Variants in PTPRN2 observed in about 807,000 individuals in gnomAD.
PTPRN2 encodes the protein receptor-type tyrosine-protein phosphatase N2.
PTPRN2 carries 74 observed loss-of-function variants against 118.8 expected under a neutral mutation model. The ratio of observed to expected loss-of-function variants is 0.62; its 90% CI spans 0.52 to 0.76. The LOEUF (loss-of-function observed/expected upper bound fraction) is 0.76, where lower values mean the gene tolerates loss of function less well. Ranked by LOEUF, PTPRN2 falls within the 30% of genes least tolerant of loss-of-function variation. The pLI is 0.00. For synonymous variants in PTPRN2, 641 were observed against 608.0 expected (o/e 1.05, Z -0.80); for missense variants, 1,481 against 1,394.4 (o/e 1.06, Z -0.99).
At chr7:158,319,509 C>CCTCACACACGCACACAGACTCCCT (rs1563131612) in intron 2 of PTPRN2, among the ~76,000 whole-genome samples, 1 of 37,056 alleles carries the variant, frequency 2.7e-5, no homozygotes, top group Non-Finnish European at 4.9e-5. Flanking sequence ...CAGCCTCCCC[C>CCTCACACACGCACACAGACTCCCT]CACACACACA....
chr7:158,083,628 C>T (rs990401980), intron 10 of PTPRN2, among the ~76,000 whole-genome samples: 4 of 152,224 alleles, frequency 2.6e-5, no homozygotes, highest in Admixed American at 1.3e-4. Context: ...GCAGGAGAGG[C>T]CCACACAGCC....
At chr7:158,019,783 C>T (rs1391396157) in intron 11 of PTPRN2, among the ~76,000 whole-genome samples, 11 of 152,204 alleles carry the variant, frequency 7.2e-5, no homozygotes, top group Non-Finnish European at 1.2e-4. Context: ...CCGGGGGAGC[C>T]GCGCAGCATG....
intron 2 of PTPRN2, among the ~76,000 whole-genome samples, chr7:158,362,223 C>G (rs374093426): frequency 6.6e-6 from 1 of 152,134 alleles, no homozygotes; most frequent in Non-Finnish European, 1.5e-5. Flanking sequence ...GAGGAGGAGG[C>G]AGAAGAGGCC....
At chr7:157,899,099 ACTGGGAAAT>A (rs757093475) in intron 11 of PTPRN2, among the ~76,000 whole-genome samples, 60 of 152,380 alleles carry the variant, frequency 3.9e-4, no homozygotes, top group Non-Finnish European at 7.1e-4. Context: ...CTGTATAATT[ACTGGGAAAT>A]ATGTTTCATT....
At position 157,815,205 on chromosome 7, in the gene PTPRN2, C is replaced by T. The variant is rs112875072; in HGVS notation, c.1788+83468G>A. ...TGGCCTGGGTGCTGCTGTGGGCAGG[C>T]GCTGGGCACGCTGGGAAGAGCAGGG... On this transcript the variant is annotated intron_variant, in intron 12 of 22. Transcript: ENST00000389418. Among the ~76,000 whole-genome samples the T allele has an allele frequency of 3.5e-3, 536 of 152,314 alleles. 5 individuals carry two copies. The highest frequency in any genetic ancestry group is 0.012 in the African/African-American group (485 of 41,566).
At chr7:158,468,082 A>C (rs1819521406) in intron 2 of PTPRN2, among the ~76,000 whole-genome samples, 1 of 152,224 alleles carries the variant, frequency 6.6e-6, no homozygotes, top group African/African-American at 2.4e-5. Flanking sequence ...GCATTTTTAC[A>C]GTCTTCCTAC....
rs1563543303 is a variant in PTPRN2, at chr7:158,164,527, AGCGCGCAC to A, written c.910+2396_910+2403del. Among the ~76,000 whole-genome samples, 15 of 3,188 alleles carry A rather than the reference AGCGCGCAC, an allele frequency of 4.7e-3. 2 individuals carry two copies. The highest frequency in any genetic ancestry group is 0.014 in the African/African-American group (3 of 212). The allele number at this position is 3,188 out of a possible 152,430, so 2.1% of individuals were successfully genotyped here. Reference sequence around the variant, plus strand: ...GCGCGTAGGGAGGGCTCAGAGCGGGAGCGCGCACGTAGGGAAGGCGCGCACGTAGGGAA... The same window carrying A: ...GCGCGTAGGGAGGGCTCAGAGCGGGAGTAGGGAAGGCGCGCACGTAGGGAA... On this transcript the variant is annotated intron_variant, in intron 6 of 22. Transcript: ENST00000389418.
At chr7:157,725,756 ATCCACACGCAGAGGACTGCGGCCAGAC>A (rs1799547929) in intron 12 of PTPRN2, among the ~76,000 whole-genome samples, 1 of 87,592 alleles carries the variant, frequency 1.1e-5, no homozygotes, top group African/African-American at 6.1e-5. Context: ...AGAACTGGAT[ATCCACACGCAGAGGACTGCGGCCAGAC>A]CCTCACCTCC....
chr7:157,903,905 C>G lies in PTPRN2; in HGVS notation c.1724-5168G>C, dbSNP rs1797610483. ...AGCAGCTGTGAGGACCACGTGGGAG[C>G]CTCTGAGCCAGCATGGCCCAGGTCT... On this transcript the variant is annotated intron_variant, in intron 11 of 22. Transcript: ENST00000389418. This position sits in a 1 kb window ranked among gnomAD's most constrained non-coding sequence, Gnocchi z 4.2. Among the ~76,000 whole-genome samples the G allele has an allele frequency of 6.6e-6, 1 of 152,192 alleles. No individual in the cohort carries two copies. The highest frequency in any genetic ancestry group is 1.5e-5 in the Non-Finnish European group (1 of 68,032).
At chr7:158,421,890 T>TA (rs1815287155) in intron 2 of PTPRN2, among the ~76,000 whole-genome samples, 1 of 152,116 alleles carries the variant, frequency 6.6e-6, no homozygotes, top group African/African-American at 2.4e-5. Context: ...GGTTTGGGGT[T>TA]AAAAAAATAA....
chr7:158,081,241 C>CGT (rs750370459), intron 11 of PTPRN2, 57 bp downstream of exon 11: 18 of 1,483,102 alleles, frequency 1.2e-5, no homozygotes, highest in Middle Eastern at 3.8e-4. Flanking sequence ...TGTTTGCGTG[C>CGT]GTGTGTGTGT....
intron 12 of PTPRN2, among the ~76,000 whole-genome samples, chr7:157,783,474 C>G (rs1221966765): frequency 1.3e-5 from 2 of 150,134 alleles, no homozygotes; most frequent in African/African-American, 4.9e-5. Context: ...CCAAGAGGAG[C>G]TGACAGCCCA....
chr7:158,335,999 C>T (rs1193766854), intron 2 of PTPRN2, among the ~76,000 whole-genome samples: 2 of 7,788 alleles, frequency 2.6e-4, no homozygotes, highest in Admixed American at 6.9e-4. Context: ...CACCTGCAGA[C>T]GTCACTCACA....
chr7:158,076,087 G>A (rs2128926172), intron 11 of PTPRN2, among the ~76,000 whole-genome samples: 1 of 152,380 alleles, frequency 6.6e-6, no homozygotes, highest in East Asian at 1.9e-4. Flanking sequence ...TCTGACAGGT[G>A]TCTCATTCAC....
At chr7:157,896,837 C>T (rs754382275) in intron 12 of PTPRN2, among the ~76,000 whole-genome samples, 5 of 152,124 alleles carry the variant, frequency 3.3e-5, no homozygotes, top group African/African-American at 9.7e-5. Context: ...CTGGAGTGGC[C>T]GGAGTCCAGG....
chr7:158,379,841 TCA>T (rs1452468615), intron 2 of PTPRN2, among the ~76,000 whole-genome samples: 1 of 152,154 alleles, frequency 6.6e-6, no homozygotes, highest in Non-Finnish European at 1.5e-5. Flanking sequence ...TTTAATGGAC[TCA>T]CAATTCCACA....
intron 14 of PTPRN2, among the ~76,000 whole-genome samples, chr7:157,631,778 G>A (rs1286443359): frequency 6.6e-6 from 1 of 151,488 alleles, no homozygotes; most frequent in Non-Finnish European, 1.5e-5. Context: ...CTTGCAGTGA[G>A]CCGAGATTGT....
intron 2 of PTPRN2, among the ~76,000 whole-genome samples, chr7:158,387,543 G>T (rs2151368363): frequency 6.6e-6 from 1 of 152,424 alleles, no homozygotes; most frequent in Non-Finnish European, 1.5e-5. Flanking sequence ...TGGGGGGACT[G>T]GACTCCAGGG....
chr7:158,482,638 A>G (rs1244953455), intron 2 of PTPRN2, among the ~76,000 whole-genome samples: 2 of 152,210 alleles, frequency 1.3e-5, no homozygotes, highest in Non-Finnish European at 2.9e-5. Flanking sequence ...GAAAACTAGA[A>G]AATCTGTGTG....
Sources: allele counts gnomAD v4.1 joint callset (sites outside exome capture counted in the v4.1 genomes callset), GRCh38; gene constraint gnomAD v4.1.1; non-coding constraint Gnocchi (gnomAD v3.1); transcripts MANE v1.5; gene names NCBI Gene and HGNC (gene_info 2026-07-23, HGNC 2026-07-21).